Variants in ZDHHC7 observed in about 807,000 individuals in gnomAD.
The protein encoded by ZDHHC7 is zDHHC palmitoyltransferase 7, also known as palmitoyltransferase ZDHHC7.
In ZDHHC7, 12 loss-of-function variants were observed where a neutral mutation model predicts 34.1. The observed-to-expected ratio is 0.35, with a 90% CI of 0.23 to 0.57. ZDHHC7 has a LOEUF of 0.57. ZDHHC7 is among the 20% of genes least tolerant of loss of function. The probability of loss-of-function intolerance (pLI) is 0.84; values close to 1 mark genes in which losing one functional copy is unlikely to be tolerated. For missense variants in ZDHHC7, 388 were observed against 402.7 expected (o/e 0.96, Z 0.31); for synonymous variants, 185 against 155.4 (o/e 1.19, Z -1.42).
At chr16:85,009,875 A>C (rs2072767765) in intron 1 of ZDHHC7, among the ~76,000 whole-genome samples, 1 of 151,554 alleles carries the variant, frequency 6.6e-6, no homozygotes, top group Non-Finnish European at 1.5e-5. Context: ...TGCCCAGCTA[A>C]TTTTTGGTAT....
chr16:85,000,271 G>C (rs1255282409), intron 1 of ZDHHC7, among the ~76,000 whole-genome samples: 8 of 152,202 alleles, frequency 5.3e-5, no homozygotes, highest in Non-Finnish European at 4.4e-5. Context: ...GCGGCACAAG[G>C]CAAGTCCCAG....
At chr16:84,992,285 TG>T (rs1163083789) in intron 2 of ZDHHC7, among the ~76,000 whole-genome samples, 1 of 151,114 alleles carries the variant, frequency 6.6e-6, no homozygotes, top group Non-Finnish European at 1.5e-5. Flanking sequence ...CTGGCCAAGC[TG>T]GTGAAACCCG....
At chr16:84,995,193 T>G (rs1037362808) in intron 2 of ZDHHC7, among the ~76,000 whole-genome samples, 8 of 152,210 alleles carry the variant, frequency 5.3e-5, no homozygotes, top group South Asian at 2.1e-4. Context: ...TCTACCCTAA[T>G]GGCCGATTTA....
intron 2 of ZDHHC7, among the ~76,000 whole-genome samples, chr16:84,993,271 T>A (rs1023231991): frequency 2.0e-5 from 3 of 151,916 alleles, no homozygotes; most frequent in Non-Finnish European, 4.4e-5. Flanking sequence ...CAGTGAGCCA[T>A]GATCATGCCA....
At chr16:84,982,092 G>A in intron 3 of ZDHHC7, 98 bp from the exon 4 acceptor site, 2 of 1,512,034 alleles carry the variant, frequency 1.3e-6, no homozygotes, top group South Asian at 1.2e-5. Flanking sequence ...AGCACTTTGG[G>A]AGGCTGAGGC....
rs746114725 is a variant in ZDHHC7, at chr16:84,975,396, C to T, written c.*947G>A. ...TGCCCCAAGTATCAAGTCACCGAGC[C>T]GCAGCTCTGCTCTTACCTAGGTGCC... On this transcript the variant is annotated 3_prime_UTR_variant, in exon 8 of 8. Transcript: ENST00000313732. The T allele has an allele frequency of 2.0e-5, 3 of 152,254 alleles. No homozygotes were observed. The highest frequency in any genetic ancestry group is 2.1e-4 in the South Asian group (1 of 4,830). The allele number at this position is 152,254 out of a possible 1,614,324, so 9.4% of individuals were successfully genotyped here.
intron 3 of ZDHHC7, among the ~76,000 whole-genome samples, chr16:84,983,705 G>A (rs2072400100): frequency 6.6e-6 from 1 of 152,108 alleles, no homozygotes; most frequent in African/African-American, 2.4e-5. Flanking sequence ...ATCAGAATAA[G>A]TAAAACATTT....
chr16:84,977,867 C>G, intron 6 of ZDHHC7, 57 bp downstream of exon 6: 1 of 1,370,242 alleles, frequency 7.3e-7, no homozygotes, highest in Non-Finnish European at 1.0e-6. Context: ...AAAGCTTTCC[C>G]CTTTCATCCA....
the ZDHHC7 span, among the ~76,000 whole-genome samples, chr16:85,027,268 T>A: frequency 6.6e-6 from 1 of 152,120 alleles, no homozygotes; most frequent in Non-Finnish European, 1.5e-5. Flanking sequence ...ACCATTTATT[T>A]ATTATTATTT....
At chr16:84,986,957 C>T (rs1469539683) in intron 3 of ZDHHC7, among the ~76,000 whole-genome samples, 1 of 152,200 alleles carries the variant, frequency 6.6e-6, no homozygotes, top group African/African-American at 2.4e-5. Context: ...CCTGACCCTG[C>T]TGGGCCATGC....
At chr16:84,988,743 T>C (rs957299825) in intron 3 of ZDHHC7, 4 of 1,549,866 alleles carry the variant, frequency 2.6e-6, no homozygotes, top group African/African-American at 2.7e-5. Context: ...CCCTCCCCCA[T>C]GTGCCTACCC....
intron 1 of ZDHHC7, among the ~76,000 whole-genome samples, chr16:84,997,868 G>C (rs1156464197): frequency 1.5e-5 from 2 of 130,596 alleles, no homozygotes; most frequent in Non-Finnish European, 3.1e-5. Flanking sequence ...ACTCCATCCA[G>C]CCTGGGCGAC....
rs1275503837 is a variant in ZDHHC7, at chr16:84,979,177, A to G, written c.537+12T>C. On this transcript the variant is annotated intron_variant, in intron 5 of 7. Transcript: ENST00000313732. Reference sequence around the variant, plus strand: ...TTCAATGTAAATTCAATACAAAAATATTTTTACTTACAGTGAAGAGCACAA... The same window carrying G: ...TTCAATGTAAATTCAATACAAAAATGTTTTTACTTACAGTGAAGAGCACAA... 1 of 1,584,584 alleles carries G rather than the reference A, an allele frequency of 6.3e-7. No individual in the cohort carries two copies. The highest frequency in any genetic ancestry group is 8.5e-7 in the Non-Finnish European group (1 of 1,170,428).
rs780795759 is a variant in ZDHHC7 at position 84,988,811 on chromosome 16, AAG to A, written c.315+1491_315+1492del. ...CGGTTCCCTCACCACAAATGCCCACAAGGGTTGGGTCCAGCCCAGTTTTCACT... is the reference window on the plus strand; with the variant it reads ...CGGTTCCCTCACCACAAATGCCCACAGGTTGGGTCCAGCCCAGTTTTCACT... On this transcript the variant is annotated intron_variant, in intron 3 of 7. Coordinates refer to ENST00000313732, the MANE Select transcript of ZDHHC7 (RefSeq NM_017740.3). 14 of 1,551,630 alleles carry A rather than the reference AAG, an allele frequency of 9.0e-6. No homozygotes were observed. The African/African-American group carries it at 1.6e-4, about 18-fold the overall frequency.
chr16:85,026,613 G>C, the ZDHHC7 span, among the ~76,000 whole-genome samples: 1 of 150,958 alleles, frequency 6.6e-6, no homozygotes, highest in East Asian at 2.0e-4. Flanking sequence ...TGCCACTTCT[G>C]CTTGGGGTGT....
chr16:85,025,042 C>G, the ZDHHC7 span, among the ~76,000 whole-genome samples: 19 of 152,166 alleles, frequency 1.2e-4, no homozygotes, highest in South Asian at 4.1e-4. Context: ...TTTGGGAGGC[C>G]GAGGTAGGTG....
chr16:85,002,714 A>ATACCT, intron 1 of ZDHHC7, among the ~76,000 whole-genome samples: 1 of 152,256 alleles, frequency 6.6e-6, no homozygotes, highest in Non-Finnish European at 1.5e-5. Context: ...GATAGGAGAA[A>ATACCT]GCGTGGGTGG....
At chr16:84,992,323 C>A (rs1043060976) in intron 2 of ZDHHC7, among the ~76,000 whole-genome samples, 1 of 112,480 alleles carries the variant, frequency 8.9e-6, no homozygotes, top group South Asian at 3.0e-4. Context: ...AAAAATTAGT[C>A]GGGCACAGTG....
At chr16:84,986,811 C>T (rs536423636) in intron 3 of ZDHHC7, among the ~76,000 whole-genome samples, 1 of 152,302 alleles carries the variant, frequency 6.6e-6, no homozygotes, top group South Asian at 2.1e-4. Flanking sequence ...ACTGGGGTAT[C>T]TGCCCCAACC....
Sources: allele counts gnomAD v4.1 joint callset (sites outside exome capture counted in the v4.1 genomes callset), GRCh38; gene constraint gnomAD v4.1.1; transcripts MANE v1.5; gene names NCBI Gene and HGNC (gene_info 2026-07-23, HGNC 2026-07-21).